The following CUL9 variants were observed in gnomAD, a reference collection of about 807,000 sequenced individuals.
The protein encoded by CUL9 is cullin-9.
CUL9 carries 79 observed loss-of-function variants against 272.6 expected under a neutral mutation model. The observed-to-expected ratio is 0.29, with a 90% CI of 0.24 to 0.35. The LOEUF (loss-of-function observed/expected upper bound fraction) is 0.35. CUL9 is among the 10% of genes least tolerant of loss of function. The pLI is 1.00. For synonymous variants in CUL9, 1,186 were observed against 1,286.5 expected (o/e 0.92, Z 1.67); for missense variants, 2,532 against 3,255.6 (o/e 0.78, Z 5.41).
At chr6:43,198,458 G>A in intron 11 of CUL9, 151 bp from the exon 12 acceptor site, 1 of 1,491,624 alleles carries the variant, frequency 6.7e-7, no homozygotes, top group South Asian at 1.4e-5. Flanking sequence ...GGTCAGGAAA[G>A]AAAACCCCTC....
intron 1 of CUL9, among the ~76,000 whole-genome samples, chr6:43,182,735 C>G (rs888951015): frequency 6.6e-6 from 1 of 152,246 alleles, no homozygotes; most frequent in East Asian, 1.9e-4. Context: ...CACCTCTACT[C>G]TCATCTTCTG....
At chr6:43,193,644 T>G (rs1264955754) in intron 9 of CUL9, among the ~76,000 whole-genome samples, 2 of 152,130 alleles carry the variant, frequency 1.3e-5, no homozygotes, top group African/African-American at 4.8e-5. Context: ...CCTCCTGGGT[T>G]CAAGTGATTC....
At chr6:43,222,715 G>A (rs1432609730) in intron 37 of CUL9, 64 bp from the exon 38 acceptor site, 25 of 1,604,884 alleles carry the variant, frequency 1.6e-5, no homozygotes, top group Non-Finnish European at 2.0e-5. Context: ...TGCTTTCATC[G>A]GACTTGCCTG....
In CUL9 at chr6:43,187,392, T is replaced by C; in HGVS notation, c.1534T>C (p.Cys512Arg). 1 of 1,614,086 alleles carries C rather than the reference T, an allele frequency of 6.2e-7. No individual in the cohort carries two copies. Among genetic ancestry groups the C allele is most frequent in the Non-Finnish European group, 8.5e-7 (1 of 1,179,978 alleles). ...LLFFIKKLDL[C>R]EQQPIFQNLW... ...TTTCTTTATCAAAAAGTTGGACTTG[T>C]GTGAGCAGCAGCCAATTTTCCAGAA... The change falls in exon 6 of 41, where the codon TGT (cysteine) becomes CGT (arginine). Residue 512 changes from cysteine to arginine, a missense_variant. Physicochemically the swap from Cys to Arg is radical, Grantham distance 180 (BLOSUM62 -3). Around this residue, in one of 3 missense-constraint regions of CUL9, gnomAD observed 2,218 missense variants for 2,788.6 expected, o/e 0.80. Coordinates refer to ENST00000252050, the MANE Select transcript of CUL9 (RefSeq NM_015089.4).
rs372080415 is a variant in CUL9, at chr6:43,220,099, A to G, written c.6283-360A>G. ...GTGTTGTCAGCCACCCAGGCAACCC[A>G]TTTCCCAGGCCTCCTTTCTCTCGGA... On this transcript the variant is annotated intron_variant, in intron 31 of 40. Coordinates refer to ENST00000252050, the MANE Select transcript of CUL9 (RefSeq NM_015089.4). This position sits in a 1 kb window ranked among gnomAD's most constrained non-coding sequence, Gnocchi z 4.9. Among the ~76,000 whole-genome samples, 61 of 152,224 alleles carry G rather than the reference A, an allele frequency of 4.0e-4. 1 individual carries two copies. In the South Asian group the frequency reaches 6.6e-3, roughly 17 times the overall value.
At chr6:43,187,600 T>G in intron 6 of CUL9, 113 bp from the exon 7 acceptor site, 1 of 1,352,750 alleles carries the variant, frequency 7.4e-7, no homozygotes, top group Non-Finnish European at 1.0e-6. Context: ...GCTGTGAGGG[T>G]CTAGTATGTA....
chr6:43,185,942 T>C lies in CUL9; in HGVS notation c.751-13T>C, dbSNP rs1406759933. ...GGAAGAGATGAACCTGTCCCAAGGA[T>C]TGTGTCTTACAGATCCCAGGAAAGC... On this transcript the variant is annotated splice_polypyrimidine_tract_variant and intron_variant, in intron 3 of 40. Coordinates refer to ENST00000252050, the MANE Select transcript of CUL9 (RefSeq NM_015089.4). 6.3e-7 allele frequency: 1 copy of C among 1,589,116 alleles called. No individual in the cohort carries two copies. The highest frequency in any genetic ancestry group is 1.7e-5 in the Admixed American group (1 of 57,512).
chr6:43,186,593 A>G, intron 4 of CUL9, 138 bp downstream of exon 4: 3 of 1,300,654 alleles, frequency 2.3e-6, no homozygotes, highest in Non-Finnish European at 2.1e-6. Flanking sequence ...GGGGGTTGGC[A>G]TTTGTGCGGG....
intron 9 of CUL9, among the ~76,000 whole-genome samples, chr6:43,194,526 T>A (rs1044446945): frequency 6.6e-6 from 1 of 151,262 alleles, no homozygotes; most frequent in Non-Finnish European, 1.5e-5. Context: ...TCACCATGTT[T>A]GCCAGGATGG....
chr6:43,201,725 C>T (rs1039375478), intron 16 of CUL9, among the ~76,000 whole-genome samples: 9 of 152,200 alleles, frequency 5.9e-5, no homozygotes, highest in Non-Finnish European at 1.5e-5. Flanking sequence ...GTGATCCGCC[C>T]GCCTTGGCCT....
rs1774792026 is a variant in CUL9 at position 43,203,471 on chromosome 6, T to C, written c.3904T>C (p.Phe1302Leu). The C allele has an allele frequency of 6.2e-7, 1 of 1,614,076 alleles. No homozygotes were observed. Among genetic ancestry groups the C allele is most frequent in the African/African-American group, 1.3e-5 (1 of 74,918 alleles). ...GVEVLGPKPT[F>L]WPLFREQLCR... ...GGAGGTCCTGGGCCCTAAGCCCACATTCTGGCCACTGTTCCGGGAGCAGCT... is the reference window on the plus strand; with the variant it reads ...GGAGGTCCTGGGCCCTAAGCCCACACTCTGGCCACTGTTCCGGGAGCAGCT... Residue 1302 changes from phenylalanine (F) to leucine (L), a missense_variant, in exon 19 of 41, where the codon TTC (phenylalanine) becomes CTC (leucine). This residue lies in a region of CUL9 where 2,218 missense variants were observed against 2,788.6 expected (regional missense o/e 0.80). Transcript: ENST00000252050. The surrounding 1 kb of genome is among the most constrained non-coding windows in gnomAD (Gnocchi z 5.0).
In CUL9 at chr6:43,203,899, C is replaced by T. The variant is rs1344951740; in HGVS notation, c.4071C>T (p.Phe1357=). The change falls in exon 20 of 41, where the codon TTC becomes TTT. Residue 1357 remains phenylalanine (F), a synonymous_variant. Transcript: ENST00000252050. The surrounding 1 kb of genome is among the most constrained non-coding windows in gnomAD (Gnocchi z 5.0). ...LRHEQNFADR[F]LPDDEAAQAL... ...ACGAGCAGAATTTTGCTGACCGCTT[C>T]CTCCCTGATGATGAGGCCGCCCAGG... The T allele has an allele frequency of 2.5e-6, 4 of 1,613,662 alleles. 1 individual carries two copies. The highest frequency in any genetic ancestry group is 3.4e-6 in the Non-Finnish European group (4 of 1,179,670).
intron 20 of CUL9, 69 bp from the exon 21 acceptor site, chr6:43,204,291 C>T (rs1774869370): frequency 5.1e-6 from 8 of 1,556,140 alleles, no homozygotes; most frequent in Non-Finnish European, 7.0e-6. Flanking sequence ...ATCTTTCTCC[C>T]TCCTCTGCCC....
In CUL9 at chr6:43,221,855, A is replaced by G; in HGVS notation, c.6846+77A>G. The G allele has an allele frequency of 7.8e-7, 1 of 1,289,482 alleles. No individual in the cohort carries two copies. Among genetic ancestry groups the G allele is most frequent in the Admixed American group, 1.9e-5 (1 of 53,600 alleles). 79.9% of individuals were successfully genotyped at this position (1,289,482 alleles called of 1,614,324 possible). On this transcript the variant is annotated intron_variant, in intron 35 of 40. Transcript: ENST00000252050. This position sits in a 1 kb window ranked among gnomAD's most constrained non-coding sequence, Gnocchi z 4.2. ...GGTGCTGCTACCAGGTCCTGGGCAG[A>G]CAGGGCTCCTTGTGCAGTGCAGCAT...
In CUL9 at chr6:43,193,156, T is replaced by C; in HGVS notation, c.2336T>C (p.Val779Ala). The C allele has an allele frequency of 1.2e-6, 2 of 1,614,188 alleles. No individual in the cohort carries two copies. The highest frequency in any genetic ancestry group is 8.5e-7 in the Non-Finnish European group (1 of 1,180,040). The change falls in exon 9 of 41, where the codon GTC becomes GCC. Residue 779 changes from valine to alanine, a missense_variant. Val to Ala is a moderately conservative substitution (Grantham distance 64). Transcript: ENST00000252050. ...GAGGGTGGCATCTATGCTGTGCTGG[T>C]CTGCATGCAAGAATATAAGACTTCT... ...AREGGIYAVLVCMQEYKTSVL... is the reference protein window; with the variant it reads ...AREGGIYAVLACMQEYKTSVL...
intron 9 of CUL9, among the ~76,000 whole-genome samples, chr6:43,195,781 T>A (rs1442301402): frequency 6.6e-6 from 1 of 152,166 alleles, no homozygotes; most frequent in Non-Finnish European, 1.5e-5. Flanking sequence ...GTAGCCTTGG[T>A]GCTGCGAGCC....
intron 31 of CUL9, among the ~76,000 whole-genome samples, chr6:43,219,279 A>G (rs1776156820): frequency 6.6e-6 from 1 of 152,226 alleles, no homozygotes; most frequent in African/African-American, 2.4e-5. Flanking sequence ...GAGCCTGTGC[A>G]GCATTGGTCA....
intron 26 of CUL9, among the ~76,000 whole-genome samples, chr6:43,207,604 A>G (rs1016110843): frequency 2.6e-5 from 4 of 152,158 alleles, no homozygotes; most frequent in Non-Finnish European, 4.4e-5. Context: ...AAGAATTGTT[A>G]AATTTCTATT....
At chr6:43,196,896 TCA>T (rs1166249058) in intron 11 of CUL9, 34 bp downstream of exon 11, 6 of 1,562,458 alleles carry the variant, frequency 3.8e-6, no homozygotes, top group Non-Finnish European at 5.3e-6. Context: ...TGCAGAGGAA[TCA>T]CACAGTGCCA....
Sources: gnomAD v4.1 joint callset for allele counts (sites outside exome capture counted in the v4.1 genomes callset) on GRCh38, gnomAD v4.1.1 for gene constraint, gnomAD v4.1.1 regional missense constraint, Gnocchi (gnomAD v3.1) non-coding constraint, MANE v1.5 for transcripts, NCBI Gene and HGNC (gene_info 2026-07-23, HGNC 2026-07-21) for gene names.